PARD3B: variants seen among roughly 807,000 people sequenced by gnomAD.
The protein encoded by PARD3B is partitioning defective 3 homolog B.
In PARD3B, 103 loss-of-function variants were observed where a neutral mutation model predicts 130.2. The ratio of observed to expected loss-of-function variants is 0.79; its 90% CI spans 0.67 to 0.93. PARD3B has a LOEUF of 0.93. Ranked by LOEUF, PARD3B falls within the 40% of genes least tolerant of loss-of-function variation. The probability of loss-of-function intolerance (pLI) is 0.00; values close to 1 mark genes in which losing one functional copy is unlikely to be tolerated. For synonymous variants in PARD3B, 583 were observed against 553.2 expected, an observed-to-expected ratio of 1.05 and a Z score of -0.76; for missense variants, 1,609 against 1,499.2, an observed-to-expected ratio of 1.07 and a Z score of -1.21.
At chr2:204,786,455 C>T (rs1019738432) in intron 2 of PARD3B, among the ~76,000 whole-genome samples, 2 of 151,994 alleles carry the variant, frequency 1.3e-5, no homozygotes, top group Non-Finnish European at 2.9e-5. Flanking sequence ...TGAATTACTG[C>T]AGCCCGGAGC....
chr2:205,542,354 T>TGTG (rs1553540489), intron 21 of PARD3B, among the ~76,000 whole-genome samples: 44 of 145,106 alleles, frequency 3.0e-4, no homozygotes, highest in Non-Finnish European at 1.1e-4. Context: ...TAGTTTGTGT[T>TGTG]TGTGTGTGTG....
At position 205,440,625 on chromosome 2, in the gene PARD3B, C is replaced by G. The variant is rs759237946; in HGVS notation, c.2997C>G (p.Leu999=). The G allele has an allele frequency of 1.2e-6, 2 of 1,613,950 alleles. No individual in the cohort carries two copies. Among genetic ancestry groups the G allele is most frequent in the Non-Finnish European group, 1.7e-6 (2 of 1,179,924 alleles). ...CAGAAAGAGACCACTTAGAGGGTCT[C>G]TATGCCAAGGTCAACAAGCCATACC... ...LSPERDHLEG[L]YAKVNKPYHP... The change falls in exon 20 of 23, where the codon CTC becomes CTG. Residue 999 remains leucine, a synonymous_variant. Coordinates refer to ENST00000406610, the MANE Select transcript of PARD3B (RefSeq NM_001302769.2). This position sits in a 1 kb window ranked among gnomAD's most constrained non-coding sequence, Gnocchi z 4.2.
chr2:204,602,567 A>G (rs1336950318), intron 1 of PARD3B, among the ~76,000 whole-genome samples: 1 of 152,026 alleles, frequency 6.6e-6, no homozygotes, highest in African/African-American at 2.4e-5. Flanking sequence ...TTGTACTTTA[A>G]TCTGCATTAT....
chr2:205,538,589 G>A lies in PARD3B; in HGVS notation c.3181-14735G>A, dbSNP rs536006062. On this transcript the variant is annotated intron_variant, in intron 21 of 22. Transcript: ENST00000406610. ...GACACTTTCATAAGAGAAAGTAAGAGTTCTCTCTCTATAATTCCCTCTCTT... is the reference window on the plus strand; with the variant it reads ...GACACTTTCATAAGAGAAAGTAAGAATTCTCTCTCTATAATTCCCTCTCTT... Among the ~76,000 whole-genome samples the A allele has an allele frequency of 5.3e-5, 8 of 152,226 alleles. No homozygotes were observed. In the East Asian group the frequency reaches 1.5e-3, roughly 29 times the overall value.
At chr2:205,384,299 G>A (rs896648374) in intron 18 of PARD3B, among the ~76,000 whole-genome samples, 1 of 151,784 alleles carries the variant, frequency 6.6e-6, no homozygotes, top group African/African-American at 2.4e-5. Context: ...TTATCCTCTG[G>A]TAGGAGCACT....
chr2:204,587,951 C>T (rs977006152), intron 1 of PARD3B, among the ~76,000 whole-genome samples: 23 of 152,100 alleles, frequency 1.5e-4, no homozygotes, highest in African/African-American at 4.8e-5. Context: ...CCTCCCCAGC[C>T]GTGCTGAACT....
At chr2:204,911,518 T>G (rs1407711344) in intron 2 of PARD3B, among the ~76,000 whole-genome samples, 8 of 152,260 alleles carry the variant, frequency 5.3e-5, no homozygotes, top group African/African-American at 1.9e-4. Flanking sequence ...AATTTTCTAT[T>G]GTAAATTTCC....
chr2:205,360,775 T>A (rs2044360055), intron 18 of PARD3B, among the ~76,000 whole-genome samples: 1 of 152,170 alleles, frequency 6.6e-6, no homozygotes, highest in African/African-American at 2.4e-5. Flanking sequence ...GTGCTCCAAG[T>A]CTCAGTGGGC....
intron 2 of PARD3B, among the ~76,000 whole-genome samples, chr2:204,961,719 A>G (rs1192739058): frequency 6.6e-6 from 1 of 152,184 alleles, no homozygotes; most frequent in East Asian, 1.9e-4. Context: ...CCAGAGAAAT[A>G]AGGGTATACC....
At chr2:205,096,626 A>G (rs1488788986) in intron 4 of PARD3B, among the ~76,000 whole-genome samples, 1 of 152,140 alleles carries the variant, frequency 6.6e-6, no homozygotes, top group Non-Finnish European at 1.5e-5. Flanking sequence ...GTTTTATCCC[A>G]TATGCATTCA....
In PARD3B at chr2:205,128,088, C is replaced by T. The variant is rs573073938; in HGVS notation, c.1434+2351C>T. Among the ~76,000 whole-genome samples the T allele has an allele frequency of 1.1e-4, 16 of 152,272 alleles. No individual in the cohort carries two copies. Among genetic ancestry groups the T allele is most frequent in the African/African-American group, 3.9e-4 (16 of 41,548 alleles). On this transcript the variant is annotated intron_variant, in intron 10 of 22. Coordinates refer to ENST00000406610, the MANE Select transcript of PARD3B (RefSeq NM_001302769.2). This position sits in a 1 kb window ranked among gnomAD's most constrained non-coding sequence, Gnocchi z 4.5. ...AAACTCTCCAAAATCCTCAGTGGAA[C>T]TATGTGCTTATTTCTGAGATAGGAG...
intron 20 of PARD3B, among the ~76,000 whole-genome samples, chr2:205,454,517 A>G (rs2048206534): frequency 6.6e-6 from 1 of 152,178 alleles, no homozygotes; most frequent in South Asian, 2.1e-4. Context: ...GAACCCATCC[A>G]GAAATGGAAT....
At chr2:205,256,924 A>G (rs185497945) in intron 16 of PARD3B, among the ~76,000 whole-genome samples, 2 of 151,524 alleles carry the variant, frequency 1.3e-5, no homozygotes, top group East Asian at 3.9e-4. Flanking sequence ...CTGGAAAAGA[A>G]AAAAGCCATA....
At chr2:205,529,135 GT>G (rs1351779529) in intron 21 of PARD3B, among the ~76,000 whole-genome samples, 1 of 152,180 alleles carries the variant, frequency 6.6e-6, no homozygotes, top group Non-Finnish European at 1.5e-5. Context: ...ACACATAACT[GT>G]TTATCAGAAC....
chr2:204,998,344 ATATATATATATATATGTG>A (rs1421422657), intron 3 of PARD3B, among the ~76,000 whole-genome samples: 7,239 of 90,450 alleles, frequency 0.08, 859 homozygotes, highest in Admixed American at 0.19. Context: ...ATATATATAT[ATATATATATATATATGTG>A]TGTGTGTGTG....
chr2:205,380,912 A>AAGAATATATTATATATAATATATAC (rs1397788490), intron 18 of PARD3B, among the ~76,000 whole-genome samples: 3 of 85,246 alleles, frequency 3.5e-5, no homozygotes, highest in Non-Finnish European at 5.8e-5. Context: ...ATAATATATA[A>AAGAATATATTATATATAATATATAC]AGAATATATA....
chr2:205,290,646 A>C (rs1158616424), intron 16 of PARD3B, among the ~76,000 whole-genome samples: 2 of 152,228 alleles, frequency 1.3e-5, no homozygotes, highest in Non-Finnish European at 2.9e-5. Context: ...TAGCCATTTC[A>C]TCAGTCAAAC....
chr2:205,383,008 T>C (rs1324479741), intron 18 of PARD3B, among the ~76,000 whole-genome samples: 2 of 151,958 alleles, frequency 1.3e-5, no homozygotes, highest in Non-Finnish European at 2.9e-5. Flanking sequence ...AACCAAGATC[T>C]GAGCTCTAGG....
intron 19 of PARD3B, among the ~76,000 whole-genome samples, chr2:205,439,399 T>C (rs2047634051): frequency 6.6e-6 from 1 of 152,158 alleles, no homozygotes; most frequent in South Asian, 2.1e-4. Context: ...GTTTACACTC[T>C]TTTCTCATTA....
Sources: gnomAD v4.1 joint callset for allele counts (sites outside exome capture counted in the v4.1 genomes callset) on GRCh38, gnomAD v4.1.1 for gene constraint, Gnocchi (gnomAD v3.1) non-coding constraint, MANE v1.5 for transcripts, NCBI Gene and HGNC (gene_info 2026-07-23, HGNC 2026-07-21) for gene names.